LCMT1: variants seen among roughly 807,000 people sequenced by gnomAD.
The protein encoded by LCMT1 is leucine carboxyl methyltransferase 1.
In LCMT1, 32 loss-of-function variants were observed where a neutral mutation model predicts 47.7. The observed-to-expected ratio is 0.67, with a 90% CI of 0.51 to 0.90. The LOEUF is 0.90. Ranked by LOEUF, LCMT1 falls within the 40% of genes least tolerant of loss-of-function variation. The pLI, the probability that LCMT1 is intolerant of heterozygous loss-of-function variation, is 0.00. For synonymous variants in LCMT1, 152 were observed against 149.7 expected, an observed-to-expected ratio of 1.02 and a Z score of -0.11; for missense variants, 375 against 415.2, an observed-to-expected ratio of 0.90 and a Z score of 0.84.
chr16:25,112,397 C>A (rs1017447418), intron 1 of LCMT1, among the ~76,000 whole-genome samples: 13 of 152,130 alleles, frequency 8.5e-5, no homozygotes, highest in Non-Finnish European at 8.8e-5. Context: ...TTGGTGTGAT[C>A]CCTGTTGTGC....
At chr16:25,169,368 G>T (rs1961687201) in intron 8 of LCMT1, 155 bp downstream of exon 8, 1 of 577,588 alleles carries the variant, frequency 1.7e-6, no homozygotes, top group Non-Finnish European at 3.1e-6. Context: ...AGTTCATGAT[G>T]CTGGGAAGAC....
intron 5 of LCMT1, among the ~76,000 whole-genome samples, chr16:25,155,187 TTGA>T (rs1961215137): frequency 6.6e-6 from 1 of 152,124 alleles, no homozygotes; most frequent in South Asian, 2.1e-4. Flanking sequence ...CATCTTAGAA[TTGA>T]TGATGTTTTT....
At chr16:25,157,625 G>T (rs138768945) in intron 5 of LCMT1, among the ~76,000 whole-genome samples, 40 of 152,316 alleles carry the variant, frequency 2.6e-4, no homozygotes, top group African/African-American at 8.4e-4. Context: ...ATTAAAGCTT[G>T]TATCCATTAG....
At position 25,132,501 on chromosome 16, in the gene LCMT1, A is replaced by C; in HGVS notation, c.305A>C (p.Asp102Ala). 1.2e-6 allele frequency: 2 copies of C among 1,613,794 alleles called. No individual in the cohort carries two copies. The highest frequency in any genetic ancestry group is 2.2e-5 in the South Asian group (2 of 91,070). The change falls in exon 3 of 11, where the codon GAT becomes GCT. Residue 102 changes from aspartate (D) to alanine (A), a missense_variant. Asp to Ala is a moderately radical substitution (Grantham distance 126, BLOSUM62 -2). Transcript: ENST00000399069. ...CQIVNLGAGM[D>A]TTFWRLKDED... is the part of the protein sequence containing the mutation. Reference sequence around the variant, plus strand: ...ATTGTCAACCTTGGGGCAGGCATGGATACCACCTTCTGGAGATTAAAGGTA... The same window carrying C: ...ATTGTCAACCTTGGGGCAGGCATGGCTACCACCTTCTGGAGATTAAAGGTA...
At chr16:25,164,072 G>T (rs917073174) in intron 6 of LCMT1, among the ~76,000 whole-genome samples, 1 of 152,132 alleles carries the variant, frequency 6.6e-6, no homozygotes, top group East Asian at 1.9e-4. Flanking sequence ...TCTTCCACAG[G>T]TCTTCTCCCC....
intron 8 of LCMT1, 112 bp downstream of exon 8, chr16:25,169,325 A>C (rs1434693958): frequency 4.3e-6 from 3 of 705,208 alleles, no homozygotes; most frequent in Non-Finnish European, 7.4e-6. Context: ...GCCTGTCAGC[A>C]GCACAGGCTG....
At position 25,120,408 on chromosome 16, in the gene LCMT1, T is replaced by C. The variant is rs930893485; in HGVS notation, c.114-8067T>C. On this transcript the variant is annotated intron_variant, in intron 1 of 10. Transcript: ENST00000399069. ...CCAGCTAATTTAAATTCTATGGTTTTTGATTTCTTTTTTTTTCTTTTTCTT... is the reference window on the plus strand; with the variant it reads ...CCAGCTAATTTAAATTCTATGGTTTCTGATTTCTTTTTTTTTCTTTTTCTT... Among the ~76,000 whole-genome samples the C allele has an allele frequency of 3.0e-4, 45 of 150,584 alleles. 1 individual carries two copies. The highest frequency in any genetic ancestry group is 2.4e-3 in the Admixed American group (37 of 15,172).
At chr16:25,173,011 C>G (rs191017438) in intron 9 of LCMT1, among the ~76,000 whole-genome samples, 1 of 152,282 alleles carries the variant, frequency 6.6e-6, no homozygotes, top group Non-Finnish European at 1.5e-5. Context: ...ACGGGGGAGG[C>G]GGGTAAGGAG....
intron 4 of LCMT1, chr16:25,145,007 C>A (rs1401830078): frequency 6.6e-6 from 1 of 152,282 alleles, no homozygotes; most frequent in East Asian, 1.9e-4. Context: ...CTTTCTTCCC[C>A]CTTTTGGGTC....
chr16:25,138,586 A>G (rs868212069), intron 3 of LCMT1, among the ~76,000 whole-genome samples: 55 of 152,256 alleles, frequency 3.6e-4, no homozygotes, highest in Non-Finnish European at 5.7e-4. Flanking sequence ...GCAGGCCACA[A>G]GAAGAAATAA....
At chr16:25,126,929 T>C (rs1309539625) in intron 1 of LCMT1, among the ~76,000 whole-genome samples, 1 of 152,246 alleles carries the variant, frequency 6.6e-6, no homozygotes, top group Non-Finnish European at 1.5e-5. Flanking sequence ...GTTGCTGGGC[T>C]ACCATTCTTG....
At chr16:25,165,813 G>A (rs1298432578) in intron 7 of LCMT1, among the ~76,000 whole-genome samples, 2 of 150,578 alleles carry the variant, frequency 1.3e-5, no homozygotes, top group African/African-American at 2.4e-5. Context: ...CACCATGCCC[G>A]GCTGACCCTC....
chr16:25,134,694 G>A (rs1336367309), intron 3 of LCMT1, among the ~76,000 whole-genome samples: 4 of 152,130 alleles, frequency 2.6e-5, no homozygotes, highest in African/African-American at 9.7e-5. Context: ...TCCACCTCCC[G>A]GGTTGAAGCA....
At chr16:25,171,033 C>T (rs557638502) in intron 9 of LCMT1, among the ~76,000 whole-genome samples, 6 of 152,214 alleles carry the variant, frequency 3.9e-5, no homozygotes, top group South Asian at 4.1e-4. Flanking sequence ...GTCAGGAGTT[C>T]GAGACCGGCC....
At chr16:25,175,150 T>G in intron 10 of LCMT1, 116 bp downstream of exon 10, 2 of 630,846 alleles carry the variant, frequency 3.2e-6, no homozygotes, top group Admixed American at 5.5e-5. Flanking sequence ...TGTCCCTTCT[T>G]TCTTGTTTTG....
At chr16:25,165,705 T>TG (rs1227003718) in intron 7 of LCMT1, among the ~76,000 whole-genome samples, 1 of 151,622 alleles carries the variant, frequency 6.6e-6, no homozygotes, top group Non-Finnish European at 1.5e-5. Context: ...TTAGTAGAGA[T>TG]GGGGTTTCAC....
chr16:25,137,523 T>C (rs971342031), intron 3 of LCMT1, among the ~76,000 whole-genome samples: 1 of 152,106 alleles, frequency 6.6e-6, no homozygotes, highest in African/African-American at 2.4e-5. Context: ...CAGCTCACTG[T>C]AGCCTCCTCC....
Position 25,170,764 on chromosome 16 carries a change from G to T in LCMT1, c.843G>T (p.Met281Ile). ...NGWETASAVD[M>I]MELYNRLPRA... is the part of the protein sequence containing the mutation. ...GGGAAACAGCATCGGCCGTCGACAT[G>T]ATGGAGTTGTACAACAGGTTACCTC... The change falls in exon 9 of 11, where the codon ATG becomes ATT. Residue 281 changes from methionine (M) to isoleucine (I), a missense_variant. Met to Ile is a conservative substitution (Grantham distance 10). Transcript: ENST00000399069. 1 of 1,613,620 alleles carries T rather than the reference G, an allele frequency of 6.2e-7. No individual in the cohort carries two copies. The highest frequency in any genetic ancestry group is 8.5e-7 in the Non-Finnish European group (1 of 1,179,650).
At chr16:25,162,599 A>AAAAAG (rs572596987) in intron 6 of LCMT1, among the ~76,000 whole-genome samples, 1 of 151,286 alleles carries the variant, frequency 6.6e-6, no homozygotes, top group South Asian at 2.1e-4. Flanking sequence ...AAAAAAAAAA[A>AAAAAG]AAAAGAAAAG....
Sources: allele counts gnomAD v4.1 joint callset (sites outside exome capture counted in the v4.1 genomes callset), GRCh38; gene constraint gnomAD v4.1.1; transcripts MANE v1.5; gene names NCBI Gene and HGNC (gene_info 2026-07-23, HGNC 2026-07-21).